Variants in PALMD observed in about 807,000 individuals in gnomAD.
The protein encoded by PALMD is palmdelphin.
Under a neutral mutation model 56.2 loss-of-function variants are expected in PALMD, and 42 were observed. The observed-to-expected ratio is 0.75, with a 90% CI of 0.58 to 0.97. The LOEUF (loss-of-function observed/expected upper bound fraction) is 0.97, where lower values mean the gene tolerates loss of function less well. Ranked by LOEUF, PALMD falls within the 50% of genes least tolerant of loss-of-function variation. The pLI is 0.00. For synonymous variants in PALMD, 242 were observed against 222.9 expected (o/e 1.09, Z -0.76); for missense variants, 660 against 643.8 (o/e 1.03, Z -0.27).
intron 1 of PALMD, among the ~76,000 whole-genome samples, chr1:99,652,737 AAAGAAAG>A: frequency 1.6e-5 from 1 of 62,200 alleles, no homozygotes; most frequent in East Asian, 6.2e-4. Context: ...AAAGAAAAGA[AAAGAAAG>A]AAAACTTCCT....
intron 3 of PALMD, chr1:99,669,772 C>T (rs1285931711): frequency 6.6e-6 from 1 of 152,218 alleles, no homozygotes; most frequent in Non-Finnish European, 1.5e-5. Flanking sequence ...GAAGTATTGA[C>T]AGTGGCTGGT....
intron 3 of PALMD, among the ~76,000 whole-genome samples, chr1:99,671,126 A>G (rs771134402): frequency 1.3e-5 from 2 of 152,156 alleles, no homozygotes; most frequent in Non-Finnish European, 2.9e-5. Flanking sequence ...TTATCACTTG[A>G]CTTACGTGCC....
At chr1:99,664,574 G>T (rs1410565132) in intron 2 of PALMD, among the ~76,000 whole-genome samples, 3 of 152,114 alleles carry the variant, frequency 2.0e-5, no homozygotes, top group Non-Finnish European at 4.4e-5. Context: ...AAGAAAGAGT[G>T]GCTATTTCAG....
chr1:99,646,493 G>A, intron 1 of PALMD, 131 bp downstream of exon 1: 1 of 730,960 alleles, frequency 1.4e-6, no homozygotes, highest in Non-Finnish European at 2.5e-6. Flanking sequence ...ACGAGTCTCT[G>A]TTTCTCTCTT....
rs183978295 is a variant in PALMD at position 99,654,015 on chromosome 1, T to C, written c.45+7653T>C. Among the ~76,000 whole-genome samples the C allele has an allele frequency of 1.1e-4, 16 of 152,188 alleles. No homozygotes were observed. In the East Asian group the frequency reaches 2.9e-3, roughly 28 times the overall value. ...GCTATAATGTCCCTTATTTGAGGAA[T>C]TGTATTTCTACTGATATATTTGGAA... On this transcript the variant is annotated intron_variant, in intron 1 of 7. Transcript: ENST00000263174.
chr1:99,683,899 G>A (rs6660961), intron 3 of PALMD: 12,331 of 152,120 alleles, frequency 0.081, 1,087 homozygotes, highest in African/African-American at 0.22. Context: ...CACTCCCTTT[G>A]AAACCCTCAT....
intron 1 of PALMD, among the ~76,000 whole-genome samples, chr1:99,657,048 C>G (rs918596011): frequency 6.6e-6 from 1 of 152,154 alleles, no homozygotes; most frequent in Non-Finnish European, 1.5e-5. Context: ...CATGTGGGTT[C>G]CCCTTCTCCT....
At chr1:99,675,484 G>T (rs1653178758) in intron 3 of PALMD, among the ~76,000 whole-genome samples, 1 of 151,996 alleles carries the variant, frequency 6.6e-6, no homozygotes, top group Non-Finnish European at 1.5e-5. Flanking sequence ...TGGTCACTTG[G>T]GAAACTCATG....
At chr1:99,678,859 C>T (rs1653276029) in intron 3 of PALMD, among the ~76,000 whole-genome samples, 1 of 152,066 alleles carries the variant, frequency 6.6e-6, no homozygotes, top group Non-Finnish European at 1.5e-5. Context: ...GACATGGTGG[C>T]TCACACCTGT....
intron 1 of PALMD, among the ~76,000 whole-genome samples, chr1:99,658,268 C>T (rs2100856861): frequency 6.7e-6 from 1 of 148,726 alleles, no homozygotes; most frequent in African/African-American, 2.5e-5. Flanking sequence ...TGTGCCACTA[C>T]ACTCCAGCCT....
intron 2 of PALMD, among the ~76,000 whole-genome samples, chr1:99,663,095 G>T (rs1343200645): frequency 6.6e-6 from 1 of 152,134 alleles, no homozygotes; most frequent in Admixed American, 6.5e-5. Context: ...TGACAGGGCT[G>T]CTATCAATAG....
At chr1:99,668,477 C>G (rs1413440805) in intron 3 of PALMD, 3 of 152,270 alleles carry the variant, frequency 2.0e-5, no homozygotes, top group African/African-American at 7.2e-5. Flanking sequence ...TCCTTCTTCA[C>G]AGCCCCAGCC....
chr1:99,666,149 T>G (rs12092958), intron 2 of PALMD, among the ~76,000 whole-genome samples: 1,626 of 152,266 alleles, frequency 0.011, 30 homozygotes, highest in African/African-American at 0.037. Flanking sequence ...CCCCTTCACT[T>G]CTTCAATTAG....
At chr1:99,652,018 G>A (rs1234873333) in intron 1 of PALMD, among the ~76,000 whole-genome samples, 1 of 152,194 alleles carries the variant, frequency 6.6e-6, no homozygotes, top group African/African-American at 2.4e-5. Context: ...AAAGAATTGT[G>A]AGATTTCTAA....
chr1:99,669,210 A>G (rs1371504278), intron 3 of PALMD: 1 of 152,102 alleles, frequency 6.6e-6, no homozygotes, highest in Admixed American at 6.5e-5. Context: ...GAATAGCTAA[A>G]ATAACTGACT....
At chr1:99,689,939 A>C (rs775682082) in intron 7 of PALMD, 67 bp downstream of exon 7, 2 of 1,464,290 alleles carry the variant, frequency 1.4e-6, no homozygotes, top group Middle Eastern at 1.8e-4. Flanking sequence ...GTGCTAATGC[A>C]GTCTTGCTTT....
intron 2 of PALMD, among the ~76,000 whole-genome samples, chr1:99,664,312 C>T (rs1652915035): frequency 6.6e-6 from 1 of 152,076 alleles, no homozygotes; most frequent in Non-Finnish European, 1.5e-5. Context: ...CAAGAAGGCA[C>T]TATTAAAGGT....
rs533330986 is a variant in PALMD at position 99,658,247 on chromosome 1, T to C, written c.46-4072T>C. 2.0e-5 allele frequency among the ~76,000 whole-genome samples: 3 copies of C among 148,434 alleles called. No individual in the cohort carries two copies. The South Asian group carries it at 6.4e-4, about 32-fold the overall frequency. On this transcript the variant is annotated intron_variant, in intron 1 of 7. Coordinates refer to ENST00000263174, the MANE Select transcript of PALMD (RefSeq NM_017734.5). The stretch of plus-strand genomic sequence containing the variant: ...TGAGACCAGGAGGCAGAGGTTGTAG[T>C]GAGTTAAGATTGTGCCACTACACTC...
intron 1 of PALMD, among the ~76,000 whole-genome samples, chr1:99,657,886 C>T (rs1652761284): frequency 6.6e-6 from 1 of 152,236 alleles, no homozygotes; most frequent in African/African-American, 2.4e-5. Flanking sequence ...ATATTCCACT[C>T]AGATGCTACT....
Sources: gnomAD v4.1 joint callset for allele counts (sites outside exome capture counted in the v4.1 genomes callset) on GRCh38, gnomAD v4.1.1 for gene constraint, MANE v1.5 for transcripts, NCBI Gene and HGNC (gene_info 2026-07-23, HGNC 2026-07-21) for gene names.